TRMT11: variants seen among roughly 807,000 people sequenced by gnomAD.
The protein encoded by TRMT11 is tRNA methyltransferase 11.
A neutral mutation model predicts 62.8 loss-of-function variants in TRMT11; 53 were observed. The observed-to-expected ratio is 0.84, with a 90% CI of 0.68 to 1.06. The LOEUF (loss-of-function observed/expected upper bound fraction) is 1.06. TRMT11 is among the 50% of genes least tolerant of loss of function. The probability of loss-of-function intolerance (pLI) is 0.00; values close to 1 mark genes in which losing one functional copy is unlikely to be tolerated. For synonymous variants in TRMT11, 188 were observed against 190.3 expected, an observed-to-expected ratio of 0.99 and a Z score of 0.10; for missense variants, 556 against 553.4, an observed-to-expected ratio of 1.00 and a Z score of -0.05.
chr6:126,162,654 G>A (rs1311232387), intron 21 of TRMT11, among the ~76,000 whole-genome samples: 1 of 152,192 alleles, frequency 6.6e-6, no homozygotes, highest in African/African-American at 2.4e-5. Context: ...ACTTCAGGCA[G>A]CATGGCCATT....
At chr6:126,129,585 C>T (rs1777756921) in intron 21 of TRMT11, among the ~76,000 whole-genome samples, 2 of 151,940 alleles carry the variant, frequency 1.3e-5, no homozygotes, top group African/African-American at 4.8e-5. Context: ...TGCAGTGATG[C>T]AATCATAGCT....
At chr6:126,251,454 TA>T in the TRMT11 span, among the ~76,000 whole-genome samples, 1 of 152,242 alleles carries the variant, frequency 6.6e-6, no homozygotes, top group African/African-American at 2.4e-5. Context: ...TTATGTCATA[TA>T]CTTATCATTT....
the TRMT11 span, among the ~76,000 whole-genome samples, chr6:126,248,752 T>C: frequency 1.3e-5 from 2 of 152,186 alleles, no homozygotes; most frequent in African/African-American, 4.8e-5. Context: ...GACTTCTTGA[T>C]AAATATTTGT....
At chr6:126,210,980 CTTTTT>C in the TRMT11 span, among the ~76,000 whole-genome samples, 4 of 131,688 alleles carry the variant, frequency 3.0e-5, no homozygotes, top group Admixed American at 7.7e-5. Context: ...ATAACATTCC[CTTTTT>C]TTTTTTTTTT....
chr6:126,195,659 G>A (rs1362018275), intron 1 of TRMT11, among the ~76,000 whole-genome samples: 1 of 152,098 alleles, frequency 6.6e-6, no homozygotes, highest in Non-Finnish European at 1.5e-5. Flanking sequence ...CCTTCCCATA[G>A]TCATGTACTT....
At chr6:125,999,340 G>A in intron 6 of TRMT11, 117 bp from the exon 7 acceptor site, 1 of 647,362 alleles carries the variant, frequency 1.5e-6, no homozygotes, top group Non-Finnish European at 2.5e-6. Flanking sequence ...AATAAGTTTA[G>A]AGCAGTAATA....
At chr6:126,111,234 G>C (rs1734601466) in intron 17 of TRMT11, among the ~76,000 whole-genome samples, 1 of 152,012 alleles carries the variant, frequency 6.6e-6, no homozygotes. Flanking sequence ...TTTTCAGGTG[G>C]AAGTCTCACT....
chr6:126,240,977 C>A, the TRMT11 span, among the ~76,000 whole-genome samples: 1 of 152,244 alleles, frequency 6.6e-6, no homozygotes, highest in African/African-American at 2.4e-5. Context: ...CAGCAATGAG[C>A]GAGGCTCCGT....
the TRMT11 span, among the ~76,000 whole-genome samples, chr6:126,263,821 C>T: frequency 6.6e-6 from 1 of 152,168 alleles, no homozygotes; most frequent in South Asian, 2.1e-4. Flanking sequence ...TCTCAAACCT[C>T]AGAAAGAGAC....
At chr6:126,249,482 T>G in the TRMT11 span, among the ~76,000 whole-genome samples, 2 of 152,186 alleles carry the variant, frequency 1.3e-5, no homozygotes, top group Non-Finnish European at 2.9e-5. Context: ...TTTTCTTGTT[T>G]TTTGTTTGTG....
chr6:126,196,243 T>G (rs905302326), intron 1 of TRMT11, among the ~76,000 whole-genome samples: 1 of 152,192 alleles, frequency 6.6e-6, no homozygotes, highest in African/African-American at 2.4e-5. Flanking sequence ...GTACTAAAAT[T>G]GATTGACCTT....
downstream of TRMT11, among the ~76,000 whole-genome samples, chr6:126,040,973 C>G (rs545839248): frequency 1.2e-3 from 187 of 152,190 alleles, no homozygotes; most frequent in African/African-American, 4.4e-3. Flanking sequence ...ACTTCCTGCC[C>G]AGGGTGACCC....
downstream of TRMT11, among the ~76,000 whole-genome samples, chr6:126,208,123 G>A (rs1778806668): frequency 6.6e-6 from 1 of 152,190 alleles, no homozygotes; most frequent in African/African-American, 2.4e-5. Flanking sequence ...CTAACAGGAA[G>A]GTATCAGGAG....
intron 17 of TRMT11, among the ~76,000 whole-genome samples, chr6:126,078,498 G>A (rs1243499646): frequency 1.3e-5 from 2 of 151,054 alleles, no homozygotes; most frequent in Non-Finnish European, 2.9e-5. Context: ...CCCATGATGT[G>A]AAGAGGTTTC....
chr6:126,196,196 AATCAATTTCCAG>A (rs1346026904), intron 1 of TRMT11, among the ~76,000 whole-genome samples: 1 of 152,220 alleles, frequency 6.6e-6, no homozygotes, highest in Non-Finnish European at 1.5e-5. Context: ...GCTTTAAAGA[AATCAATTTCCAG>A]ATCCTCAACT....
intron 21 of TRMT11, among the ~76,000 whole-genome samples, chr6:126,119,268 A>G (rs573757903): frequency 6.6e-6 from 1 of 152,228 alleles, no homozygotes; most frequent in South Asian, 2.1e-4. Flanking sequence ...TTAAAAGTTC[A>G]TGGTTGCCTA....
At chr6:126,028,966 A>G (rs1773692346) in intron 12 of TRMT11, among the ~76,000 whole-genome samples, 1 of 152,214 alleles carries the variant, frequency 6.6e-6, no homozygotes, top group Non-Finnish European at 1.5e-5. Context: ...AATCTTAGGC[A>G]TAGGTCAGTT....
chr6:126,116,960 A>G (rs1313730277), intron 21 of TRMT11, among the ~76,000 whole-genome samples: 5 of 152,188 alleles, frequency 3.3e-5, no homozygotes, highest in African/African-American at 1.2e-4. Flanking sequence ...CTCAGTCACC[A>G]TCTGAGAATT....
At chr6:126,268,588 A>G in the TRMT11 span, among the ~76,000 whole-genome samples, 3 of 152,178 alleles carry the variant, frequency 2.0e-5, no homozygotes, top group Non-Finnish European at 4.4e-5. Flanking sequence ...CCATTGTTTA[A>G]ATCTTCTGGC....
Sources: gnomAD v4.1 joint callset for allele counts (sites outside exome capture counted in the v4.1 genomes callset) on GRCh38, gnomAD v4.1.1 for gene constraint, MANE v1.5 for transcripts, NCBI Gene and HGNC (gene_info 2026-07-23, HGNC 2026-07-21) for gene names.